Variants in NDUFB4 observed in about 807,000 individuals in gnomAD.
NDUFB4 encodes NADH:ubiquinone oxidoreductase subunit B4.
A neutral mutation model predicts 14.5 loss-of-function variants in NDUFB4; 10 were observed. The observed-to-expected ratio is 0.69, with a 90% CI of 0.43 to 1.17. The LOEUF is 1.17. Among genes scored for constraint, NDUFB4 ranks in the 50% most tolerant of loss-of-function variants. The pLI is 0.00. For missense variants in NDUFB4, 165 were observed against 161.1 expected, an observed-to-expected ratio of 1.02 and a Z score of -0.13; for synonymous variants, 65 against 63.4, an observed-to-expected ratio of 1.03 and a Z score of -0.12.
chr3:120,601,580 C>A (rs1940065186), intron 2 of NDUFB4: 2 of 1,166,968 alleles, frequency 1.7e-6, no homozygotes, highest in South Asian at 5.2e-5. Flanking sequence ...TCACATTTTG[C>A]AAATTAATGT....
chr3:120,597,649 G>A (rs541404328), intron 1 of NDUFB4, among the ~76,000 whole-genome samples: 3 of 152,330 alleles, frequency 2.0e-5, no homozygotes, highest in Non-Finnish European at 4.4e-5. Flanking sequence ...GACAACATGG[G>A]AAGGACAAGT....
At chr3:120,597,561 T>C (rs1277071969) in intron 1 of NDUFB4, among the ~76,000 whole-genome samples, 1 of 152,226 alleles carries the variant, frequency 6.6e-6, no homozygotes, top group Non-Finnish European at 1.5e-5. Flanking sequence ...GTGCTAAAAC[T>C]CTTTTTGAGT....
chr3:120,596,516 G>A lies in NDUFB4; in HGVS notation c.157G>A (p.Asp53Asn). The change falls in exon 1 of 3, where the codon GAT (aspartate) becomes AAT (asparagine). Residue 53 changes from aspartate (D) to asparagine (N), a missense_variant. Asp to Asn is a conservative substitution (Grantham distance 23). Coordinates refer to ENST00000184266, the MANE Select transcript of NDUFB4 (RefSeq NM_004547.6). Reference protein sequence around the residue: ...LKREYLLQYNDPNRRGLIENP... With the variant: ...LKREYLLQYNNPNRRGLIENP... ...ACGAGAGTACCTGCTTCAGTACAACGATCCCAACCGCCGAGGGCTCATCGT... is the reference window on the plus strand; with the variant it reads ...ACGAGAGTACCTGCTTCAGTACAACAATCCCAACCGCCGAGGGCTCATCGT... 6.2e-7 allele frequency: 1 copy of A among 1,613,704 alleles called. No individual in the cohort carries two copies. Among genetic ancestry groups the A allele is most frequent in the Non-Finnish European group, 8.5e-7 (1 of 1,179,816 alleles).
At chr3:120,601,705 C>A in intron 2 of NDUFB4, 1 of 1,026,684 alleles carries the variant, frequency 9.7e-7, no homozygotes, top group Non-Finnish European at 1.2e-6. Context: ...TCTTTGGCAC[C>A]AAACCATTCC....
rs758439169 is a variant in NDUFB4, at chr3:120,601,077, A to G, written c.181-34A>G. 6 of 1,565,926 alleles carry G rather than the reference A, an allele frequency of 3.8e-6. No individual in the cohort carries two copies. In the East Asian group the frequency reaches 1.3e-4, roughly 35 times the overall value. On this transcript the variant is annotated intron_variant, in intron 1 of 2. Transcript: ENST00000184266. ...TTTGTTTCTCAATGTGATCCTTCTTAAGTTCTATAACTTTTTGTTTTCATT... is the reference window on the plus strand; with the variant it reads ...TTTGTTTCTCAATGTGATCCTTCTTGAGTTCTATAACTTTTTGTTTTCATT...
chr3:120,602,396 A>G lies in NDUFB4; in HGVS notation c.*126A>G, dbSNP rs1940080365. 1.2e-6 allele frequency: 1 copy of G among 864,776 alleles called. No individual in the cohort carries two copies. The highest frequency in any genetic ancestry group is 1.8e-6 in the Non-Finnish European group (1 of 568,742). The allele number at this position is 864,776 out of a possible 1,614,324, so 53.6% of individuals were successfully genotyped here. ...AAAACTATTAACACCCTAACAACACAGAAGCAGACGCAGCCCGTGTTGGGA... is the reference window on the plus strand; with the variant it reads ...AAAACTATTAACACCCTAACAACACGGAAGCAGACGCAGCCCGTGTTGGGA... On this transcript the variant is annotated 3_prime_UTR_variant, in exon 3 of 3. Coordinates refer to ENST00000184266, the MANE Select transcript of NDUFB4 (RefSeq NM_004547.6).
At chr3:120,602,039 G>A in intron 2 of NDUFB4, 169 bp from the exon 3 acceptor site, 1 of 1,424,088 alleles carries the variant, frequency 7.0e-7, no homozygotes, top group Non-Finnish European at 9.1e-7. Context: ...CTGGGCTTTA[G>A]ACAGTGGGAT....
intron 1 of NDUFB4, chr3:120,600,894 C>A (rs1187867036): frequency 3.8e-6 from 2 of 523,146 alleles, no homozygotes; most frequent in South Asian, 2.6e-5. Flanking sequence ...TGATATGAGC[C>A]TTCTACATTC....
chr3:120,601,597 C>T, intron 2 of NDUFB4: 6 of 1,126,904 alleles, frequency 5.3e-6, no homozygotes, highest in Non-Finnish European at 6.5e-6. Flanking sequence ...ATGTTAAAAC[C>T]TATTAATACT....
rs139622535 is a variant in NDUFB4, at chr3:120,599,087, A to G, written c.181-2024A>G. On this transcript the variant is annotated intron_variant, in intron 1 of 2. Coordinates refer to ENST00000184266, the MANE Select transcript of NDUFB4 (RefSeq NM_004547.6). Reference sequence around the variant, plus strand: ...TAGAGCCAACCAGGTTTGCTGATAGACTAGATGTGGTGTATGAAAGAGGAG... The same window carrying G: ...TAGAGCCAACCAGGTTTGCTGATAGGCTAGATGTGGTGTATGAAAGAGGAG... Among the ~76,000 whole-genome samples the G allele has an allele frequency of 2.5e-3, 374 of 152,220 alleles. 5 individuals carry two copies. Among genetic ancestry groups the G allele is most frequent in the African/African-American group, 8.8e-3 (366 of 41,498 alleles).
At position 120,602,230 on chromosome 3, in the gene NDUFB4, A is replaced by G; in HGVS notation, c.350A>G (p.Gln117Arg). 1.2e-6 allele frequency: 2 copies of G among 1,611,344 alleles called. No homozygotes were observed. Among genetic ancestry groups the G allele is most frequent in the South Asian group, 2.2e-5 (2 of 90,846 alleles). ...CAGGATAGGAAAGAAAAACTTATCC[A>G]GGAAGGAAAATTGGATCGAACATTT... is the stretch of plus-strand genomic sequence containing the variant. ...TERDRKEKLI[Q>R]EGKLDRTFHL... Residue 117 changes from glutamine to arginine, a missense_variant, in exon 3 of 3, where the codon CAG becomes CGG. Coordinates refer to ENST00000184266, the MANE Select transcript of NDUFB4 (RefSeq NM_004547.6).
chr3:120,596,479 A>C lies in NDUFB4; in HGVS notation c.120A>C (p.Arg40Ser), dbSNP rs764076421. Residue 40 changes from arginine to serine, a missense_variant, in exon 1 of 3, where the codon AGA becomes AGC. Arg to Ser is a moderately radical substitution (Grantham distance 110, BLOSUM62 -1). Coordinates refer to ENST00000184266, the MANE Select transcript of NDUFB4 (RefSeq NM_004547.6). Reference sequence around the variant, plus strand: ...CGCAAGCCGAGCGGTTGGCCATAAGAGCCCAGCTGAAACGAGAGTACCTGC... The same window carrying C: ...CGCAAGCCGAGCGGTTGGCCATAAGCGCCCAGCTGAAACGAGAGTACCTGC... ...RRAQAERLAI[R>S]AQLKREYLLQ... 3 of 1,613,912 alleles carry C rather than the reference A, an allele frequency of 1.9e-6. No individual in the cohort carries two copies. The highest frequency in any genetic ancestry group is 2.5e-6 in the Non-Finnish European group (3 of 1,179,974).
At chr3:120,601,573 C>T in intron 2 of NDUFB4, 1 of 1,179,346 alleles carries the variant, frequency 8.5e-7, no homozygotes, top group Non-Finnish European at 1.0e-6. Context: ...ATGTTGGTCA[C>T]ATTTTGCAAA....
At chr3:120,601,432 G>C in intron 2 of NDUFB4, 175 bp downstream of exon 2, 1 of 1,441,890 alleles carries the variant, frequency 6.9e-7, no homozygotes, top group Admixed American at 3.0e-5. Context: ...AGTTAAAACA[G>C]AAAGTTTTCA....
In NDUFB4 at chr3:120,596,357, AAG is replaced by A; in HGVS notation, c.-1_1del. The A allele has an allele frequency of 6.2e-7, 1 of 1,614,060 alleles. No individual in the cohort carries two copies. Among genetic ancestry groups the A allele is most frequent in the South Asian group, 1.1e-5 (1 of 91,034 alleles). ...AGGCGCAATTGTGCCCTGGTTCGCCAAGATGTCGTTCCCAAAGTATAAGCCGT... is the reference window on the plus strand; with the variant it reads ...AGGCGCAATTGTGCCCTGGTTCGCCAATGTCGTTCCCAAAGTATAAGCCGT... On this transcript the variant is annotated 5_prime_UTR_variant, in exon 1 of 3. Coordinates refer to ENST00000184266, the MANE Select transcript of NDUFB4 (RefSeq NM_004547.6).
chr3:120,596,573 C>G, intron 1 of NDUFB4, 34 bp downstream of exon 1: 2 of 1,605,026 alleles, frequency 1.2e-6, no homozygotes, highest in Non-Finnish European at 1.7e-6. Flanking sequence ...GGAATAGGGC[C>G]CGAGTCCTGG....
chr3:120,601,701 G>C, intron 2 of NDUFB4: 1 of 1,026,574 alleles, frequency 9.7e-7, no homozygotes, highest in Non-Finnish European at 1.2e-6. Context: ...CTGATCTTTG[G>C]CACCAAACCA....
chr3:120,599,389 A>T (rs1940019506), intron 1 of NDUFB4, among the ~76,000 whole-genome samples: 1 of 152,138 alleles, frequency 6.6e-6, no homozygotes, highest in Admixed American at 6.5e-5. Context: ...ACCAGATGAC[A>T]TCATCAAGGG....
rs1251376793 is a variant in NDUFB4, at chr3:120,596,506, T to A, written c.147T>A (p.Leu49=). Residue 49 remains leucine (L), a synonymous_variant, in exon 1 of 3, where the codon CTT becomes CTA. Transcript: ENST00000184266. ...CCCAGCTGAAACGAGAGTACCTGCT[T>A]CAGTACAACGATCCCAACCGCCGAG... ...IRAQLKREYL[L]QYNDPNRRGL... The A allele has an allele frequency of 6.2e-7, 1 of 1,613,782 alleles. No homozygotes were observed.
Sources: allele counts gnomAD v4.1 joint callset (sites outside exome capture counted in the v4.1 genomes callset), GRCh38; gene constraint gnomAD v4.1.1; transcripts MANE v1.5; gene names NCBI Gene and HGNC (gene_info 2026-07-23, HGNC 2026-07-21).